The following ADAMTS18 variants were observed in gnomAD, a reference collection of about 807,000 sequenced individuals.
The protein encoded by ADAMTS18 is A disintegrin and metalloproteinase with thrombospondin motifs 18.
A neutral mutation model predicts 165.9 loss-of-function variants in ADAMTS18; 157 were observed. The observed-to-expected ratio is 0.95, with a 90% CI of 0.83 to 1.08. The LOEUF is 1.08. Ranked by LOEUF, ADAMTS18 falls within the 50% of genes least tolerant of loss-of-function variation. The pLI, the probability that ADAMTS18 is intolerant of heterozygous loss-of-function variation, is 0.00. For missense variants in ADAMTS18, 2,040 were observed against 1,534.0 expected, an observed-to-expected ratio of 1.33 and a Z score of -5.51; for synonymous variants, 782 against 578.2, an observed-to-expected ratio of 1.35 and a Z score of -5.06.
At chr16:77,380,819 G>A (rs186166301) in intron 3 of ADAMTS18, among the ~76,000 whole-genome samples, 1 of 151,942 alleles carries the variant, frequency 6.6e-6, no homozygotes, top group Non-Finnish European at 1.5e-5. Context: ...TTTATCTGCA[G>A]AATTTCAACT....
intron 3 of ADAMTS18, among the ~76,000 whole-genome samples, chr16:77,391,274 G>GGGCA (rs2144789616): frequency 6.6e-6 from 1 of 152,208 alleles, no homozygotes; most frequent in Admixed American, 6.5e-5. Flanking sequence ...AGGCCAAAGC[G>GGGCA]GGCAGATCAC....
intron 9 of ADAMTS18, 77 bp from the exon 10 acceptor site, chr16:77,353,963 G>T: frequency 6.5e-7 from 1 of 1,548,726 alleles, no homozygotes; most frequent in Non-Finnish European, 8.9e-7. Context: ...ACTTCTGAAT[G>T]CATTCATGCA....
intron 3 of ADAMTS18, among the ~76,000 whole-genome samples, chr16:77,392,161 C>T (rs1188929242): frequency 1.3e-5 from 2 of 152,134 alleles, no homozygotes; most frequent in African/African-American, 2.4e-5. Flanking sequence ...CGCGTGATAC[C>T]ATCCACTCCT....
rs1244450361 is a variant in ADAMTS18, at chr16:77,403,606, T to G, written c.495+27689A>C. On this transcript the variant is annotated intron_variant, in intron 3 of 22. Transcript: ENST00000282849. ...CTGCCCCTCTGCCTGGAATAGAGCCTGTTGATGGCTTAGTCAGGTCCTCTG... is the reference window on the plus strand; with the variant it reads ...CTGCCCCTCTGCCTGGAATAGAGCCGGTTGATGGCTTAGTCAGGTCCTCTG... Among the ~76,000 whole-genome samples the G allele has an allele frequency of 2.6e-5, 4 of 152,232 alleles. No homozygotes were observed. The East Asian group carries it at 7.7e-4, about 29-fold the overall frequency.
rs1365039139 is a variant in ADAMTS18 at position 77,363,806 on chromosome 16, TC to T, written c.1051del (p.Glu351AsnfsTer6). The T allele has an allele frequency of 6.2e-7, 1 of 1,613,890 alleles. No individual in the cohort carries two copies. Among genetic ancestry groups the T allele is most frequent in the Non-Finnish European group, 8.5e-7 (1 of 1,179,882 alleles). ...VVVSLILLEQ[E>X]PGGLLINHHA... Reference sequence around the variant, plus strand: ...TAAATGAAGTTTGCCACTTACAGGTTCTTGTTCCAGAAGAATTAGGCTCACC... The same window carrying T: ...TAAATGAAGTTTGCCACTTACAGGTTTTGTTCCAGAAGAATTAGGCTCACC... On this transcript the variant is annotated frameshift_variant, in exon 6 of 23. Coordinates refer to ENST00000282849, the MANE Select transcript of ADAMTS18 (RefSeq NM_199355.4). LOFTEE classifies it high-confidence loss of function.
At chr16:77,294,797 G>T in intron 19 of ADAMTS18, 126 bp downstream of exon 19, 1 of 915,576 alleles carries the variant, frequency 1.1e-6, no homozygotes, top group Non-Finnish European at 1.7e-6. Flanking sequence ...AGATTCCCAG[G>T]CACATGAACT....
chr16:77,401,026 T>C (rs539344142), intron 3 of ADAMTS18, among the ~76,000 whole-genome samples: 4 of 151,778 alleles, frequency 2.6e-5, no homozygotes, highest in Non-Finnish European at 4.4e-5. Context: ...GAGGCTGAGG[T>C]GGGTGGATCA....
chr16:77,386,175 C>A (rs1370878732), intron 3 of ADAMTS18, among the ~76,000 whole-genome samples: 1 of 152,144 alleles, frequency 6.6e-6, no homozygotes, highest in African/African-American at 2.4e-5. Flanking sequence ...TGGACAGCCT[C>A]GTGTACACTC....
Position 77,363,900 on chromosome 16 carries a change from G to C in ADAMTS18, c.973-15C>G, listed in dbSNP as rs373269766. ...AGGCCAGAAACCTGTTGGAACAATG[G>C]AAATCAAACAAAATCTCAAAATTTT... On this transcript the variant is annotated splice_polypyrimidine_tract_variant and intron_variant, in intron 5 of 22. Coordinates refer to ENST00000282849, the MANE Select transcript of ADAMTS18 (RefSeq NM_199355.4). 7 of 1,612,780 alleles carry C rather than the reference G, an allele frequency of 4.3e-6. No individual in the cohort carries two copies. Among genetic ancestry groups the C allele is most frequent in the South Asian group, 1.1e-5 (1 of 91,054 alleles).
At chr16:77,334,721 A>G in intron 12 of ADAMTS18, among the ~76,000 whole-genome samples, 1 of 46,452 alleles carries the variant, frequency 2.2e-5, no homozygotes, top group Admixed American at 2.1e-4. Flanking sequence ...ACTATAGTAT[A>G]CTACTATATA....
At chr16:77,393,935 G>A (rs542813402) in intron 3 of ADAMTS18, among the ~76,000 whole-genome samples, 25 of 152,304 alleles carry the variant, frequency 1.6e-4, no homozygotes, top group Admixed American at 5.9e-4. Flanking sequence ...TTACTTAGCC[G>A]GGATGTACAC....
chr16:77,356,504 A>G (rs927158715), intron 8 of ADAMTS18, among the ~76,000 whole-genome samples: 5 of 152,212 alleles, frequency 3.3e-5, no homozygotes, highest in Admixed American at 6.5e-5. Context: ...GATGATGATT[A>G]TAAGTTGTTT....
At chr16:77,319,721 G>T in intron 16 of ADAMTS18, 128 bp downstream of exon 16, 1 of 1,482,500 alleles carries the variant, frequency 6.7e-7, no homozygotes, top group Non-Finnish European at 9.3e-7. Flanking sequence ...GGGATTACAG[G>T]CATGAGCCAC....
chr16:77,295,101 C>T lies in ADAMTS18; in HGVS notation c.2828G>A (p.Cys943Tyr), dbSNP rs1179076500. Residue 943 changes from cysteine (C) to tyrosine (Y), a missense_variant, in exon 19 of 23, where the codon TGC (cysteine) becomes TAC (tyrosine). Physicochemically the swap from Cys to Tyr is radical, Grantham distance 194. Transcript: ENST00000282849. ...AYWMPGEWST[C>Y]SKACAGGQQS... ...CTGGCCTCCAGCACAGGCCTTGCTG[C>T]ATGTACTCCATTCACCTGGCATCCA... The T allele has an allele frequency of 6.2e-7, 1 of 1,614,184 alleles. No homozygotes were observed. Among genetic ancestry groups the T allele is most frequent in the Non-Finnish European group, 8.5e-7 (1 of 1,180,028 alleles).
intron 3 of ADAMTS18, among the ~76,000 whole-genome samples, chr16:77,416,979 A>T (rs2057538759): frequency 6.6e-6 from 1 of 152,162 alleles, no homozygotes; most frequent in Admixed American, 6.5e-5. Context: ...ATTACTCGGT[A>T]TTTATATATC....
intron 3 of ADAMTS18, among the ~76,000 whole-genome samples, chr16:77,425,263 A>C (rs1039391179): frequency 6.6e-6 from 1 of 152,208 alleles, no homozygotes; most frequent in South Asian, 2.1e-4. Flanking sequence ...TGTTGGGGAC[A>C]AAGAAAAGAG....
At chr16:77,311,444 A>T (rs1345643727) in intron 16 of ADAMTS18, among the ~76,000 whole-genome samples, 2 of 152,216 alleles carry the variant, frequency 1.3e-5, no homozygotes, top group African/African-American at 4.8e-5. Flanking sequence ...AACTTCCTTT[A>T]AAGAATACAG....
intron 13 of ADAMTS18, among the ~76,000 whole-genome samples, chr16:77,325,664 G>A (rs886584783): frequency 1.4e-5 from 2 of 145,644 alleles, no homozygotes; most frequent in Non-Finnish European, 3.0e-5. Flanking sequence ...GAGACAAGAG[G>A]TATCTTATAG....
intron 17 of ADAMTS18, among the ~76,000 whole-genome samples, chr16:77,298,546 C>T (rs962873827): frequency 6.6e-6 from 1 of 152,084 alleles, no homozygotes; most frequent in Non-Finnish European, 1.5e-5. Context: ...AATCCCAGCA[C>T]TTTGGGAGGT....
Sources: allele counts gnomAD v4.1 joint callset (sites outside exome capture counted in the v4.1 genomes callset), GRCh38; gene constraint gnomAD v4.1.1; transcripts MANE v1.5; gene names NCBI Gene and HGNC (gene_info 2026-07-23, HGNC 2026-07-21).